Variants in RAD51B observed in about 807,000 individuals in gnomAD.
The protein encoded by RAD51B is DNA repair protein RAD51 homolog 2.
Under a neutral mutation model 42.2 loss-of-function variants are expected in RAD51B, and 38 were observed. The observed-to-expected ratio is 0.90, with a 90% CI of 0.70 to 1.18. RAD51B has a LOEUF of 1.18. RAD51B is among the 50% of genes most tolerant of loss of function. The pLI is 0.00. For missense variants in RAD51B, 373 were observed against 400.7 expected (o/e 0.93, Z 0.59); for synonymous variants, 154 against 145.2 (o/e 1.06, Z -0.43).
chr14:68,349,514 G>C (rs1038802820), intron 8 of RAD51B, among the ~76,000 whole-genome samples: 1 of 152,088 alleles, frequency 6.6e-6, no homozygotes, highest in African/African-American at 2.4e-5. Context: ...TTGCAGGTTC[G>C]TGCCCGACGC....
At chr14:68,171,501 A>G (rs899482895) in intron 7 of RAD51B, among the ~76,000 whole-genome samples, 9 of 151,898 alleles carry the variant, frequency 5.9e-5, no homozygotes, top group African/African-American at 2.2e-4. Context: ...GTGTTTCACC[A>G]TGTTGGCCCG....
intron 7 of RAD51B, among the ~76,000 whole-genome samples, chr14:68,207,632 A>C (rs2079619807): frequency 6.6e-6 from 1 of 152,180 alleles, no homozygotes; most frequent in Non-Finnish European, 1.5e-5. Context: ...GAAGGAGATA[A>C]ATTAAGAATA....
rs868396989 is a variant in RAD51B at position 67,919,252 on chromosome 14, G to A, written c.756+32048G>A. ...CAATTATAGTATTCTGTGAAGGTTC[G>A]TAAAGTTTAGTACTGTAGGAAACCA... On this transcript the variant is annotated intron_variant, in intron 7 of 10. Coordinates refer to ENST00000471583, the MANE Select transcript of RAD51B (RefSeq NM_133510.4). Among the ~76,000 whole-genome samples the A allele has an allele frequency of 5.9e-5, 9 of 152,242 alleles. No homozygotes were observed. The South Asian group carries it at 1.7e-3, about 28-fold the overall frequency.
chr14:68,441,369 C>T (rs1213449502), intron 9 of RAD51B, among the ~76,000 whole-genome samples: 5 of 145,144 alleles, frequency 3.4e-5, no homozygotes, highest in African/African-American at 1.2e-4. Flanking sequence ...GGTGAAACCC[C>T]GTCTCTAGTA....
intron 4 of RAD51B, among the ~76,000 whole-genome samples, chr14:67,846,180 G>A (rs2041606157): frequency 6.6e-6 from 1 of 152,174 alleles, no homozygotes; most frequent in South Asian, 2.1e-4. Context: ...GCTGGTGGGT[G>A]CGGCGCTGCC....
chr14:68,494,155 C>T (rs1397563482), intron 10 of RAD51B, among the ~76,000 whole-genome samples: 1 of 152,050 alleles, frequency 6.6e-6, no homozygotes, highest in Non-Finnish European at 1.5e-5. Context: ...TGGCACATGC[C>T]TGTAATCCCA....
chr14:67,855,641 C>A (rs1416598652), intron 4 of RAD51B, among the ~76,000 whole-genome samples: 1 of 152,122 alleles, frequency 6.6e-6, no homozygotes, highest in African/African-American at 2.4e-5. Flanking sequence ...TAAGCACGAG[C>A]CATGTAACAG....
At chr14:67,878,052 A>G (rs893538457) in intron 5 of RAD51B, among the ~76,000 whole-genome samples, 1 of 152,136 alleles carries the variant, frequency 6.6e-6, no homozygotes, top group Non-Finnish European at 1.5e-5. Context: ...AGTTATCAAG[A>G]TATTGTCTTA....
At chr14:68,495,645 C>G (rs1001389749) in intron 10 of RAD51B, among the ~76,000 whole-genome samples, 4 of 152,150 alleles carry the variant, frequency 2.6e-5, no homozygotes, top group African/African-American at 4.8e-5. Context: ...CAGACCCCTT[C>G]CTCTCTGCTC....
intron 4 of RAD51B, among the ~76,000 whole-genome samples, chr14:67,847,597 T>C (rs574838723): frequency 2.6e-5 from 4 of 152,316 alleles, no homozygotes; most frequent in African/African-American, 9.6e-5. Context: ...TTGAGAGATC[T>C]TCTTGATATT....
chr14:68,234,638 A>T (rs1221522142), intron 7 of RAD51B, among the ~76,000 whole-genome samples: 1 of 152,196 alleles, frequency 6.6e-6, no homozygotes, highest in Non-Finnish European at 1.5e-5. Context: ...GAAATTAAAC[A>T]GTAAATATAT....
At chr14:67,940,158 C>T (rs1360483679) in intron 7 of RAD51B, among the ~76,000 whole-genome samples, 12 of 140,992 alleles carry the variant, frequency 8.5e-5, no homozygotes, top group Admixed American at 1.5e-4. Flanking sequence ...ACTGCAACCT[C>T]TGCCTCCCAG....
At chr14:67,961,975 C>T (rs2074679586) in intron 7 of RAD51B, among the ~76,000 whole-genome samples, 2 of 152,136 alleles carry the variant, frequency 1.3e-5, no homozygotes, top group African/African-American at 2.4e-5. Flanking sequence ...CACACACATA[C>T]ATGTACCTAC....
At chr14:68,211,647 A>G (rs2079710812) in intron 7 of RAD51B, among the ~76,000 whole-genome samples, 5 of 152,204 alleles carry the variant, frequency 3.3e-5, no homozygotes, top group Admixed American at 3.3e-4. Context: ...ACCATCAGAT[A>G]TCAGAGCATA....
At position 67,922,514 on chromosome 14, in the gene RAD51B, T is replaced by TTTG. The variant is rs1001633675; in HGVS notation, c.756+35323_756+35325dup. ...ATCTCAATGGAATTATACCTTTCTT[T>TTTG]TTGTTGTTGTTGTTGCAGATAGTAT... On this transcript the variant is annotated intron_variant, in intron 7 of 10. Transcript: ENST00000471583. Among the ~76,000 whole-genome samples the TTTG allele has an allele frequency of 7.9e-4, 120 of 152,134 alleles. 1 individual carries two copies. Among genetic ancestry groups the TTTG allele is most frequent in the African/African-American group, 2.8e-3 (117 of 41,510 alleles).
At chr14:68,054,550 C>G (rs1224875796) in intron 7 of RAD51B, among the ~76,000 whole-genome samples, 1 of 152,128 alleles carries the variant, frequency 6.6e-6, no homozygotes, top group African/African-American at 2.4e-5. Context: ...CAGCAAGAAG[C>G]CTGGTTCCAT....
chr14:67,938,454 G>A (rs557381110), intron 7 of RAD51B, among the ~76,000 whole-genome samples: 1 of 152,340 alleles, frequency 6.6e-6, no homozygotes, highest in Non-Finnish European at 1.5e-5. Flanking sequence ...GCTCCTTCAA[G>A]TGGAGGGACT....
At chr14:68,673,130 T>C (rs1055582576) in intron 11 of RAD51B, among the ~76,000 whole-genome samples, 4 of 152,106 alleles carry the variant, frequency 2.6e-5, no homozygotes, top group African/African-American at 9.7e-5. Context: ...TTAGAAGCTA[T>C]CAACACAGGA....
intron 7 of RAD51B, among the ~76,000 whole-genome samples, chr14:68,154,816 C>T (rs1346316471): frequency 1.3e-5 from 2 of 151,880 alleles, no homozygotes; most frequent in Non-Finnish European, 2.9e-5. Flanking sequence ...AAATCTGGTC[C>T]CTGTTACTTA....
Sources: gnomAD v4.1 joint callset for allele counts (sites outside exome capture counted in the v4.1 genomes callset) on GRCh38, gnomAD v4.1.1 for gene constraint, MANE v1.5 for transcripts, NCBI Gene and HGNC (gene_info 2026-07-23, HGNC 2026-07-21) for gene names.